The following BZW2 variants were observed in gnomAD, a reference collection of about 807,000 sequenced individuals.
BZW2 encodes the protein eIF5-mimic protein 1.
A neutral mutation model predicts 53.2 loss-of-function variants in BZW2; 23 were observed. The ratio of observed to expected loss-of-function variants is 0.43; its 90% CI spans 0.31 to 0.61. The LOEUF is 0.61. BZW2 is among the 20% of genes least tolerant of loss of function. The probability of loss-of-function intolerance (pLI) is 0.09; values close to 1 mark genes in which losing one functional copy is unlikely to be tolerated. For synonymous variants in BZW2, 227 were observed against 186.4 expected, an observed-to-expected ratio of 1.22 and a Z score of -1.77; for missense variants, 409 against 503.1, an observed-to-expected ratio of 0.81 and a Z score of 1.79.
intron 2 of BZW2, among the ~76,000 whole-genome samples, chr7:16,667,417 A>G (rs1308408903): frequency 6.6e-6 from 1 of 152,246 alleles, no homozygotes; most frequent in Non-Finnish European, 1.5e-5. Context: ...AAGTATGTAT[A>G]AAGGTAAAAG....
At chr7:16,694,054 G>C (rs963232376) in intron 7 of BZW2, among the ~76,000 whole-genome samples, 1 of 152,240 alleles carries the variant, frequency 6.6e-6, no homozygotes, top group South Asian at 2.1e-4. Flanking sequence ...TGAGAACTTT[G>C]AAAATCATCT....
At chr7:16,687,699 C>T (rs954411069) in intron 6 of BZW2, 1 of 151,764 alleles carries the variant, frequency 6.6e-6, no homozygotes, top group African/African-American at 2.4e-5. Flanking sequence ...ACAGCCTGGG[C>T]AACAGAGAAA....
At chr7:16,647,387 G>A (rs879841254) in intron 1 of BZW2, among the ~76,000 whole-genome samples, 12 of 152,172 alleles carry the variant, frequency 7.9e-5, no homozygotes, top group Admixed American at 1.3e-4. Context: ...TACGAAAAGC[G>A]AAATGCATTT....
chr7:16,685,323 C>T (rs555450223), intron 5 of BZW2, among the ~76,000 whole-genome samples: 3 of 151,998 alleles, frequency 2.0e-5, no homozygotes, highest in Non-Finnish European at 2.9e-5. Context: ...CCCTTTCTCC[C>T]TCAACAGTCT....
intron 1 of BZW2, among the ~76,000 whole-genome samples, chr7:16,660,961 A>G (rs1182432394): frequency 6.6e-6 from 1 of 152,194 alleles, no homozygotes; most frequent in Non-Finnish European, 1.5e-5. Flanking sequence ...TCACACTGTA[A>G]CAGCAGAATT....
chr7:16,693,908 A>G (rs954108914), intron 7 of BZW2, among the ~76,000 whole-genome samples: 5 of 152,202 alleles, frequency 3.3e-5, no homozygotes, highest in Non-Finnish European at 5.9e-5. Flanking sequence ...CTGTGTTCCT[A>G]TAGGTGGTGG....
intron 11 of BZW2, among the ~76,000 whole-genome samples, chr7:16,704,937 G>T (rs1019169988): frequency 6.6e-6 from 1 of 152,188 alleles, no homozygotes; most frequent in African/African-American, 2.4e-5. Context: ...TAGTAGATGT[G>T]AAAGGAGAAA....
Position 16,698,056 on chromosome 7 carries a change from T to C in BZW2, c.978T>C (p.Ala326=). ...EQALKHLKQY[A]PLLAVFSSQG... ...CTCCACTTCTGTTCTAGCAATATGC[T>C]CCCCTGCTGGCCGTGTTCAGCTCCC... is the stretch of plus-strand genomic sequence containing the variant. Residue 326 remains alanine, a synonymous_variant, in exon 10 of 12, where the codon GCT becomes GCC. Coordinates refer to ENST00000258761, the MANE Select transcript of BZW2 (RefSeq NM_014038.3). 6.2e-7 allele frequency: 1 copy of C among 1,614,036 alleles called. No individual in the cohort carries two copies. The highest frequency in any genetic ancestry group is 8.5e-7 in the Non-Finnish European group (1 of 1,179,952).
chr7:16,706,147 G>C lies in BZW2; in HGVS notation c.*59G>C. The C allele has an allele frequency of 6.4e-7, 1 of 1,563,200 alleles. No individual in the cohort carries two copies. Among genetic ancestry groups the C allele is most frequent in the Non-Finnish European group, 8.7e-7 (1 of 1,143,678 alleles). ...ACACCACTTTTTGATTGGGAATGCT[G>C]AACCATTTGAGAAGAGAAACTTGGC... On this transcript the variant is annotated 3_prime_UTR_variant, in exon 12 of 12. Coordinates refer to ENST00000258761, the MANE Select transcript of BZW2 (RefSeq NM_014038.3).
At chr7:16,651,942 G>C (rs1172322377) in intron 1 of BZW2, among the ~76,000 whole-genome samples, 1 of 152,174 alleles carries the variant, frequency 6.6e-6, no homozygotes, top group African/African-American at 2.4e-5. Context: ...TGAAAAAGCT[G>C]TCTTCGAGAA....
At chr7:16,697,896 C>A in intron 9 of BZW2, 152 bp from the exon 10 acceptor site, 3 of 868,552 alleles carry the variant, frequency 3.5e-6, no homozygotes, top group Non-Finnish European at 3.5e-6. Flanking sequence ...CTGTTCCCCT[C>A]ACCCCATTGG....
intron 1 of BZW2, among the ~76,000 whole-genome samples, chr7:16,659,011 C>G (rs569331403): frequency 6.6e-6 from 1 of 150,488 alleles, no homozygotes; most frequent in Non-Finnish European, 1.5e-5. Flanking sequence ...TGAGGAATCC[C>G]AGCAATTTGG....
At chr7:16,672,289 AT>A (rs1328428107) in intron 2 of BZW2, among the ~76,000 whole-genome samples, 2 of 151,968 alleles carry the variant, frequency 1.3e-5, no homozygotes, top group South Asian at 4.2e-4. Flanking sequence ...TATTCGATGT[AT>A]TTTTTTGGAT....
intron 10 of BZW2, among the ~76,000 whole-genome samples, chr7:16,700,039 G>A (rs1783620063): frequency 2.0e-5 from 3 of 152,244 alleles, no homozygotes; most frequent in African/African-American, 7.2e-5. Flanking sequence ...AGTATGACCT[G>A]GCCCCAGGGA....
chr7:16,694,912 G>T lies in BZW2; in HGVS notation c.730G>T (p.Asp244Tyr). ...TGACGCAGGTCTTAAGGAGCTTTCC[G>T]ACTTCCTCCGAGTCCAGCAGTCCCT... Reference protein sequence around the residue: ...FTDAGLKELSDFLRVQQSLGT... With the variant: ...FTDAGLKELSYFLRVQQSLGT... Residue 244 changes from aspartate to tyrosine, a missense_variant, in exon 8 of 12, where the codon GAC becomes TAC. Coordinates refer to ENST00000258761, the MANE Select transcript of BZW2 (RefSeq NM_014038.3). The T allele has an allele frequency of 6.3e-7, 1 of 1,595,668 alleles. No homozygotes were observed. The highest frequency in any genetic ancestry group is 1.1e-5 in the South Asian group (1 of 89,562).
rs140014462 is a variant in BZW2 at position 16,655,909 on chromosome 7, G to C, written c.-7-9528G>C. On this transcript the variant is annotated intron_variant, in intron 1 of 11. Transcript: ENST00000258761. ...TTATTTCTTAATCATTTGAGAGTAG[G>C]TTGCATACACTTTCTGCCTTTATCT... Among the ~76,000 whole-genome samples, 275 of 151,964 alleles carry C rather than the reference G, an allele frequency of 1.8e-3. 1 individual carries two copies. The highest frequency in any genetic ancestry group is 3.1e-3 in the Non-Finnish European group (213 of 67,964).
intron 2 of BZW2, among the ~76,000 whole-genome samples, chr7:16,673,961 AC>A (rs142950364): frequency 0.23 from 34,712 of 152,132 alleles, 4,546 homozygotes; most frequent in East Asian, 0.38. Context: ...GTGCAATGGC[AC>A]TGTCTCTGCT....
intron 2 of BZW2, among the ~76,000 whole-genome samples, chr7:16,670,037 G>A (rs983260784): frequency 2.0e-5 from 3 of 152,124 alleles, no homozygotes; most frequent in Admixed American, 2.0e-4. Flanking sequence ...TTTCATTAGT[G>A]TTCTTGCCAT....
chr7:16,690,110 T>G (rs1411568739), intron 7 of BZW2, among the ~76,000 whole-genome samples: 1 of 152,226 alleles, frequency 6.6e-6, no homozygotes, highest in African/African-American at 2.4e-5. Context: ...AATTAAAGAA[T>G]TGTGAAGAAT....
Sources: gnomAD v4.1 joint callset for allele counts (sites outside exome capture counted in the v4.1 genomes callset) on GRCh38, gnomAD v4.1.1 for gene constraint, MANE v1.5 for transcripts, NCBI Gene and HGNC (gene_info 2026-07-23, HGNC 2026-07-21) for gene names.